ZBTB8A: variants seen among roughly 807,000 people sequenced by gnomAD.
The protein encoded by ZBTB8A is zinc finger and BTB domain containing 8A, also known as zinc finger and BTB domain-containing protein 8A.
Under a neutral mutation model 37.8 loss-of-function variants are expected in ZBTB8A, and 19 were observed. The ratio of observed to expected loss-of-function variants is 0.50; its 90% confidence interval spans 0.35 to 0.74. ZBTB8A has a LOEUF of 0.74. Among genes scored for constraint, ZBTB8A ranks in the 30% least tolerant of loss-of-function variants. The pLI is 0.01. For synonymous variants in ZBTB8A, 181 were observed against 185.2 expected (o/e 0.98, Z 0.19); for missense variants, 394 against 537.8 (o/e 0.73, Z 2.65).
chr1:32,546,458 A>G (rs961415403), intron 1 of ZBTB8A, among the ~76,000 whole-genome samples: 1 of 151,914 alleles, frequency 6.6e-6, no homozygotes, highest in Non-Finnish European at 1.5e-5. Flanking sequence ...AAAAAAATAA[A>G]TAAATAAATA....
intron 4 of ZBTB8A, among the ~76,000 whole-genome samples, chr1:32,595,880 A>G (rs111399521): frequency 0.016 from 2,352 of 148,040 alleles, 24 homozygotes; most frequent in Middle Eastern, 0.1. Flanking sequence ...CTGGTCTTGA[A>G]CTCCTGGGGT....
At chr1:32,552,088 G>A (rs188962237) in intron 1 of ZBTB8A, among the ~76,000 whole-genome samples, 11 of 152,182 alleles carry the variant, frequency 7.2e-5, no homozygotes, top group Non-Finnish European at 1.3e-4. Flanking sequence ...TTTGGTCCAG[G>A]GACAGTGGCT....
At chr1:32,589,886 C>T (rs1045929766) in intron 2 of ZBTB8A, among the ~76,000 whole-genome samples, 5 of 151,630 alleles carry the variant, frequency 3.3e-5, no homozygotes, top group Admixed American at 2.0e-4. Context: ...TATTTGATAT[C>T]ATGTTTATAC....
At chr1:32,567,825 A>AAAAAAAAAAAAC (rs1644294123) in intron 2 of ZBTB8A, among the ~76,000 whole-genome samples, 4 of 63,676 alleles carry the variant, frequency 6.3e-5, no homozygotes, top group Non-Finnish European at 1.1e-4. Flanking sequence ...AAAAAAAAAC[A>AAAAAAAAAAAAC]AAAACAAAAC....
chr1:32,572,607 G>T (rs1029629006), intron 2 of ZBTB8A, among the ~76,000 whole-genome samples: 8 of 152,014 alleles, frequency 5.3e-5, no homozygotes, highest in Non-Finnish European at 1.2e-4. Flanking sequence ...TGTTGGCCAG[G>T]CTAGTCTCAA....
intron 2 of ZBTB8A, among the ~76,000 whole-genome samples, chr1:32,585,881 T>C (rs953948694): frequency 6.6e-6 from 1 of 151,748 alleles, no homozygotes; most frequent in East Asian, 1.9e-4. Flanking sequence ...CGGGCTCCTA[T>C]AGTCCCAGCT....
At chr1:32,591,900 A>G (rs2148249512) in intron 2 of ZBTB8A, among the ~76,000 whole-genome samples, 2 of 152,102 alleles carry the variant, frequency 1.3e-5, no homozygotes, top group South Asian at 2.1e-4. Flanking sequence ...GCTGGAGTGC[A>G]TGGCGCAACC....
intron 2 of ZBTB8A, among the ~76,000 whole-genome samples, chr1:32,555,055 C>G (rs1480512410): frequency 6.6e-6 from 1 of 152,158 alleles, no homozygotes; most frequent in Non-Finnish European, 1.5e-5. Flanking sequence ...CTTGGCGTCA[C>G]TGTCTGGGTT....
chr1:32,539,988 C>G (rs1401112432), intron 1 of ZBTB8A, among the ~76,000 whole-genome samples: 2 of 151,168 alleles, frequency 1.3e-5, no homozygotes, highest in African/African-American at 4.9e-5. Flanking sequence ...AGGGCAGGGC[C>G]GGGGCCGGAG....
intron 2 of ZBTB8A, among the ~76,000 whole-genome samples, chr1:32,558,713 A>T (rs1644222099): frequency 6.6e-6 from 1 of 152,212 alleles, no homozygotes; most frequent in Non-Finnish European, 1.5e-5. Context: ...CTAATTCCCA[A>T]GAAAGGAGAC....
At chr1:32,556,729 T>G (rs532546215) in intron 2 of ZBTB8A, among the ~76,000 whole-genome samples, 1 of 151,980 alleles carries the variant, frequency 6.6e-6, no homozygotes, top group East Asian at 2.0e-4. Flanking sequence ...ATACAGAAAT[T>G]AGCCGGGCGT....
chr1:32,594,067 GC>G (rs1323150749), intron 3 of ZBTB8A, among the ~76,000 whole-genome samples: 1 of 151,888 alleles, frequency 6.6e-6, no homozygotes, highest in Non-Finnish European at 1.5e-5. Flanking sequence ...TGTGATGTGT[GC>G]CTGTAATCCC....
At chr1:32,539,645 G>A (rs1216692073) in intron 1 of ZBTB8A, 73 bp downstream of exon 1, 4 of 55,954 alleles carry the variant, frequency 7.1e-5, no homozygotes. Flanking sequence ...CGCGAGCCTG[G>A]CCGCGGGCTC....
At chr1:32,546,170 A>G (rs2148212425) in intron 1 of ZBTB8A, among the ~76,000 whole-genome samples, 1 of 152,336 alleles carries the variant, frequency 6.6e-6, no homozygotes, top group African/African-American at 2.4e-5. Context: ...AGGGCCACAT[A>G]CAGTGGCTCA....
intron 1 of ZBTB8A, among the ~76,000 whole-genome samples, chr1:32,547,655 A>C (rs1157404660): frequency 1.3e-5 from 2 of 149,754 alleles, no homozygotes; most frequent in Non-Finnish European, 3.0e-5. Context: ...AAAGAAAAAA[A>C]GGCAAAAATG....
At chr1:32,594,765 CAAA>C (rs199637697) in intron 3 of ZBTB8A, among the ~76,000 whole-genome samples, 10 of 97,714 alleles carry the variant, frequency 1.0e-4, no homozygotes, top group Admixed American at 1.1e-4. Context: ...AACTCTATCT[CAAA>C]AAAAAAAAAA....
At chr1:32,582,927 G>A (rs1008827243) in intron 2 of ZBTB8A, among the ~76,000 whole-genome samples, 2 of 152,072 alleles carry the variant, frequency 1.3e-5, no homozygotes, top group Non-Finnish European at 2.9e-5. Flanking sequence ...GGATTTCGAA[G>A]CCCATTACTA....
rs753449351 is a variant in ZBTB8A at position 32,600,213 on chromosome 1, A to G, written c.1120A>G (p.Ile374Val). The G allele has an allele frequency of 6.8e-6, 11 of 1,614,188 alleles. No individual in the cohort carries two copies. In the East Asian group the frequency reaches 2.2e-4, roughly 33 times the overall value. Residue 374 changes from isoleucine to valine, a missense_variant, in exon 5 of 5, where the codon ATA (isoleucine) becomes GTA (valine). This residue lies in a region of ZBTB8A where 85 missense variants were observed against 89.0 expected (regional missense o/e 0.95). Coordinates refer to ENST00000373510, the MANE Select transcript of ZBTB8A (RefSeq NM_001040441.3). ...LCNECLAEFG[I>V]DSLPIDLEAE... is the part of the protein sequence containing the mutation. ...TAATGAGTGTCTTGCAGAATTTGGC[A>G]TAGACAGCCTCCCCATTGACTTGGA...
At chr1:32,545,297 A>G (rs1445422921) in intron 1 of ZBTB8A, among the ~76,000 whole-genome samples, 1 of 152,216 alleles carries the variant, frequency 6.6e-6, no homozygotes, top group East Asian at 1.9e-4. Flanking sequence ...GTGAGGTAGT[A>G]TCTCATTGTG....
Sources: gnomAD v4.1 joint callset for allele counts (sites outside exome capture counted in the v4.1 genomes callset) on GRCh38, gnomAD v4.1.1 for gene constraint, gnomAD v4.1.1 regional missense constraint, MANE v1.5 for transcripts, NCBI Gene and HGNC (gene_info 2026-07-23, HGNC 2026-07-21) for gene names.